Variants in HSPA9 observed in about 807,000 individuals in gnomAD.
HSPA9 encodes the protein stress-70 protein, mitochondrial.
HSPA9 carries 28 observed loss-of-function variants against 81.5 expected under a neutral mutation model. The observed-to-expected ratio is 0.34, with a 90% CI of 0.25 to 0.47. The LOEUF (loss-of-function observed/expected upper bound fraction) is 0.47, where lower values mean the gene tolerates loss of function less well. Ranked by LOEUF, HSPA9 falls within the 20% of genes least tolerant of loss-of-function variation. The pLI is 1.00. For missense variants in HSPA9, 678 were observed against 838.0 expected (o/e 0.81, Z 2.36); for synonymous variants, 293 against 290.4 (o/e 1.01, Z -0.09).
At chr5:138,567,256 TCTAAG>T (rs1467733224) in intron 7 of HSPA9, 93 bp from the exon 8 acceptor site, 5 of 1,143,600 alleles carry the variant, frequency 4.4e-6, no homozygotes, top group Middle Eastern at 2.3e-4. Flanking sequence ...ATACAGATAA[TCTAAG>T]CTATTTCCCT....
rs901103781 is a variant in HSPA9, at chr5:138,554,240, T to C, written c.*1797A>G. Among the ~76,000 whole-genome samples, 3 of 152,212 alleles carry C rather than the reference T, an allele frequency of 2.0e-5. No homozygotes were observed. Among genetic ancestry groups the C allele is most frequent in the Non-Finnish European group, 4.4e-5 (3 of 68,034 alleles). On this transcript the variant is annotated 3_prime_UTR_variant, in exon 17 of 17. Transcript: ENST00000297185. ...TCAAATATATATTTTGCTTGGGCAT[T>C]TGGCTCCTCTCTCTGATCCCAAGGA...
intron 11 of HSPA9, chr5:138,559,030 A>G: frequency 4.1e-6 from 1 of 241,012 alleles, no homozygotes; most frequent in Non-Finnish European, 8.4e-6. Context: ...TGACAAATAC[A>G]TCACGGCACA....
chr5:138,559,111 T>G, intron 11 of HSPA9: 2 of 211,758 alleles, frequency 9.4e-6, no homozygotes, highest in South Asian at 7.2e-5. Flanking sequence ...AATTTTTTTT[T>G]TTTTTTTGAG....
intron 4 of HSPA9, among the ~76,000 whole-genome samples, chr5:138,569,385 C>T (rs1205468623): frequency 6.6e-6 from 1 of 152,222 alleles, no homozygotes; most frequent in East Asian, 1.9e-4. Context: ...AGCAATTCTA[C>T]TCTCTAAGAC....
chr5:138,567,442 T>A lies in HSPA9; in HGVS notation c.716+13A>T, dbSNP rs1043603086. 2 of 1,592,570 alleles carry A rather than the reference T, an allele frequency of 1.3e-6. No individual in the cohort carries two copies. Among genetic ancestry groups the A allele is most frequent in the Non-Finnish European group, 8.6e-7 (1 of 1,160,524 alleles). On this transcript the variant is annotated intron_variant, in intron 7 of 16. Transcript: ENST00000297185. ...TCACACATCCAGGTGAGAAATTTAC[T>A]GCACAAACTTACACTTTGTCTTCTG... is the stretch of plus-strand genomic sequence containing the variant.
At chr5:138,572,353 G>A (rs937719660) in intron 3 of HSPA9, among the ~76,000 whole-genome samples, 1 of 152,132 alleles carries the variant, frequency 6.6e-6, no homozygotes, top group African/African-American at 2.4e-5. Context: ...TGGTATAGAG[G>A]TAGGACTACT....
At chr5:138,567,226 A>T in intron 7 of HSPA9, 63 bp from the exon 8 acceptor site, 2 of 1,408,728 alleles carry the variant, frequency 1.4e-6, no homozygotes, top group Non-Finnish European at 2.0e-6. Context: ...TATCACCAGG[A>T]TATAAATTTC....
rs769407771 is a variant in HSPA9, at chr5:138,556,877, T to C, written c.1729-11A>G. On this transcript the variant is annotated splice_polypyrimidine_tract_variant and intron_variant, in intron 14 of 16. Coordinates refer to ENST00000297185, the MANE Select transcript of HSPA9 (RefSeq NM_004134.7). ...TGCTTCAACTCGTTCCTTAGAGAAA[T>C]TAGAAGTTTAAACGAAGACTTTCCA... is the stretch of plus-strand genomic sequence containing the variant. 1 of 1,602,574 alleles carries C rather than the reference T, an allele frequency of 6.2e-7. No homozygotes were observed. The highest frequency in any genetic ancestry group is 8.5e-7 in the Non-Finnish European group (1 of 1,169,734).
At chr5:138,574,939 C>A in intron 1 of HSPA9, 1 of 528,532 alleles carries the variant, frequency 1.9e-6, no homozygotes, top group African/African-American at 1.9e-5. Context: ...GCATCCCTCA[C>A]CCCCAAGGCC....
At chr5:138,573,952 T>C in intron 2 of HSPA9, 102 bp from the exon 3 acceptor site, 6 of 1,253,922 alleles carry the variant, frequency 4.8e-6, no homozygotes, top group Non-Finnish European at 2.3e-6. Context: ...GTATACTACA[T>C]AATCTCTAAA....
At chr5:138,557,250 C>T (rs1361483126) in intron 14 of HSPA9, 152 bp downstream of exon 14, 2 of 692,542 alleles carry the variant, frequency 2.9e-6, no homozygotes, top group Non-Finnish European at 5.3e-6. Context: ...CAGGCGTGCA[C>T]CACCACGCCC....
chr5:138,560,967 A>G, intron 10 of HSPA9: 1 of 409,236 alleles, frequency 2.4e-6, no homozygotes, highest in South Asian at 1.7e-5. Flanking sequence ...AAATTAAGAA[A>G]AAAAACAAGG....
In HSPA9 at chr5:138,571,024, T is replaced by C. The variant is rs1750872052; in HGVS notation, c.346A>G (p.Thr116Ala). ...KRQAVTNPNNTFYATKRLIGR... is the reference protein window; with the variant it reads ...KRQAVTNPNNAFYATKRLIGR... Reference sequence around the variant, plus strand: ...ATGAGACGCTTGGTAGCATAAAATGTATTGTTTGGGTTGGTGACAGCCTGT... The same window carrying C: ...ATGAGACGCTTGGTAGCATAAAATGCATTGTTTGGGTTGGTGACAGCCTGT... The change falls in exon 4 of 17, where the codon ACA (threonine) becomes GCA (alanine). Residue 116 changes from threonine to alanine, a missense_variant. By Grantham distance (58) the Thr-to-Ala change is moderately conservative. Around this residue, in one of 4 missense-constraint regions of HSPA9, gnomAD observed 484 missense variants for 647.5 expected, o/e 0.75. Transcript: ENST00000297185. The C allele has an allele frequency of 6.2e-7, 1 of 1,614,174 alleles. No homozygotes were observed. The highest frequency in any genetic ancestry group is 8.5e-7 in the Non-Finnish European group (1 of 1,180,028).
chr5:138,554,891 A>C lies in HSPA9; in HGVS notation c.*1146T>G, dbSNP rs1007555002. The C allele has an allele frequency of 6.6e-5, 10 of 152,240 alleles. No individual in the cohort carries two copies. Among genetic ancestry groups the C allele is most frequent in the African/African-American group, 2.2e-4 (9 of 41,454 alleles). 9.4% of individuals were successfully genotyped at this position (152,240 alleles called of 1,614,324 possible). On this transcript the variant is annotated 3_prime_UTR_variant, in exon 17 of 17. Coordinates refer to ENST00000297185, the MANE Select transcript of HSPA9 (RefSeq NM_004134.7). ...GACAGAAAAGCAGAAATAGGGAAAG[A>C]AATCTGGGTTCCTTTTATTTTTGAG...
chr5:138,561,537 C>T (rs1750661389), intron 10 of HSPA9, 43 bp downstream of exon 10: 9 of 1,521,008 alleles, frequency 5.9e-6, no homozygotes, highest in Non-Finnish European at 8.2e-6. Flanking sequence ...ATACACTATG[C>T]GCCAGCCCTC....
Position 138,555,393 on chromosome 5 carries a change from AATC to A in HSPA9, c.*641_*643del, listed in dbSNP as rs975423761. On this transcript the variant is annotated 3_prime_UTR_variant, in exon 17 of 17. Coordinates refer to ENST00000297185, the MANE Select transcript of HSPA9 (RefSeq NM_004134.7). Reference sequence around the variant, plus strand: ...AAAATTCCAGAATGGGTAAGAGAACAATCATCAAGGATGTAGGTGCCAGACACA... The same window carrying A: ...AAAATTCCAGAATGGGTAAGAGAACAATCAAGGATGTAGGTGCCAGACACA... The A allele has an allele frequency of 5.2e-5, 8 of 152,410 alleles. No homozygotes were observed. Among genetic ancestry groups the A allele is most frequent in the African/African-American group, 1.9e-4 (8 of 41,462 alleles). 9.4% of individuals were successfully genotyped at this position (152,410 alleles called of 1,614,324 possible).
intron 10 of HSPA9, chr5:138,560,842 C>T: frequency 2.3e-6 from 1 of 431,572 alleles, no homozygotes; most frequent in South Asian, 1.7e-5. Context: ...GCCACTGTAC[C>T]CGGCCTCGGG....
In HSPA9 at chr5:138,568,993, G is replaced by A. The variant is rs140827089; in HGVS notation, c.467C>T (p.Ala156Val). 1 of 1,613,834 alleles carries A rather than the reference G, an allele frequency of 6.2e-7. No homozygotes were observed. Among genetic ancestry groups the A allele is most frequent in the Non-Finnish European group, 8.5e-7 (1 of 1,179,790 alleles). Residue 156 changes from alanine (A) to valine (V), a missense_variant, in exon 5 of 17, where the codon GCT (alanine) becomes GTT (valine). Ala to Val is a moderately conservative substitution (Grantham distance 64, BLOSUM62 0). This residue lies in a region of HSPA9 where 484 missense variants were observed against 647.5 expected (regional missense o/e 0.75). Transcript: ENST00000297185. ...ACTCGGAGAATACAATTTCCCATGA[G>A]CCTCAACCCAGGCATCACCATTGGA... is the stretch of plus-strand genomic sequence containing the variant. The part of the protein sequence containing the change: ...RASNGDAWVE[A>V]HGKLYSPSQI...
At position 138,557,939 on chromosome 5, in the gene HSPA9, T is replaced by C; in HGVS notation, c.1563A>G (p.Thr521=). Residue 521 remains threonine (T), a synonymous_variant, in exon 13 of 17, where the codon ACA becomes ACG. Coordinates refer to ENST00000297185, the MANE Select transcript of HSPA9 (RefSeq NM_004134.7). ...APRGVPQIEV[T]FDIDANGIVH... is the part of the protein sequence containing the mutation. ...CTATCCCATTGGCATCAATGTCAAATGTAACTTCAATCTGAGGAACTCCAC... is the reference window on the plus strand; with the variant it reads ...CTATCCCATTGGCATCAATGTCAAACGTAACTTCAATCTGAGGAACTCCAC... 1 of 1,612,146 alleles carries C rather than the reference T, an allele frequency of 6.2e-7. No individual in the cohort carries two copies. The highest frequency in any genetic ancestry group is 8.5e-7 in the Non-Finnish European group (1 of 1,179,666).
Sources: allele counts gnomAD v4.1 joint callset (sites outside exome capture counted in the v4.1 genomes callset), GRCh38; gene constraint gnomAD v4.1.1; regional missense constraint gnomAD v4.1.1; transcripts MANE v1.5; gene names NCBI Gene and HGNC (gene_info 2026-07-23, HGNC 2026-07-21).